MYO9B: variants seen among roughly 807,000 people sequenced by gnomAD.
MYO9B encodes the protein myosin IXB.
MYO9B carries 71 observed loss-of-function variants against 229.5 expected under a neutral mutation model. The observed-to-expected ratio is 0.31, with a 90% CI of 0.26 to 0.38. The LOEUF (loss-of-function observed/expected upper bound fraction) is 0.38. Ranked by LOEUF, MYO9B falls within the 10% of genes least tolerant of loss-of-function variation. The pLI, the probability that MYO9B is intolerant of heterozygous loss-of-function variation, is 1.00. For synonymous variants in MYO9B, 1,185 were observed against 1,235.8 expected, an observed-to-expected ratio of 0.96 and a Z score of 0.86; for missense variants, 2,255 against 2,920.5, an observed-to-expected ratio of 0.77 and a Z score of 5.25.
chr19:17,126,044 G>A (rs1013156979), intron 2 of MYO9B, among the ~76,000 whole-genome samples: 1 of 152,072 alleles, frequency 6.6e-6, no homozygotes, highest in Non-Finnish European at 1.5e-5. Context: ...CACCCCCTTC[G>A]CAGGGTCTTC....
intron 1 of MYO9B, among the ~76,000 whole-genome samples, chr19:17,092,605 A>C (rs1369239948): frequency 1.3e-5 from 2 of 151,962 alleles, no homozygotes; most frequent in East Asian, 3.9e-4. Flanking sequence ...GCACGCCTAT[A>C]TCCCAGCTAC....
chr19:17,140,048 AAAAG>A (rs1287928253), intron 2 of MYO9B, among the ~76,000 whole-genome samples: 2 of 152,142 alleles, frequency 1.3e-5, no homozygotes, highest in Non-Finnish European at 1.5e-5. Context: ...TCTCAAAAAA[AAAAG>A]AAAAAATGAT....
intron 2 of MYO9B, among the ~76,000 whole-genome samples, chr19:17,139,611 G>T (rs181786263): frequency 1.4e-4 from 22 of 152,030 alleles, no homozygotes; most frequent in Non-Finnish European, 2.6e-4. Context: ...GCTGACACGT[G>T]CCTGTAGTCT....
intron 2 of MYO9B, among the ~76,000 whole-genome samples, chr19:17,126,923 A>ACCCCCG (rs1568263327): frequency 3.6e-5 from 1 of 27,480 alleles, no homozygotes; most frequent in Admixed American, 3.4e-4. Flanking sequence ...CCCCACCCCC[A>ACCCCCG]CCCCCCACCC....
chr19:17,112,128 G>A (rs2057853019), intron 2 of MYO9B, among the ~76,000 whole-genome samples: 1 of 152,168 alleles, frequency 6.6e-6, no homozygotes, highest in Admixed American at 6.5e-5. Flanking sequence ...TCCCCCATCA[G>A]TGTCCCCCAC....
rs748645676 is a variant in MYO9B at position 17,101,567 on chromosome 19, G to C, written c.-58-93G>C. ...GTCGGGTGGGGAACTCCAGCATCGG[G>C]TCAGGTGCTATCTGCCCAGGAGTGG... On this transcript the variant is annotated intron_variant, in intron 1 of 39. Coordinates refer to ENST00000682292, the MANE Select transcript of MYO9B (RefSeq NM_004145.4). This position sits in a 1 kb window ranked among gnomAD's most constrained non-coding sequence, Gnocchi z 4.7. The C allele has an allele frequency of 7.9e-7, 1 of 1,261,380 alleles. No homozygotes were observed. Among genetic ancestry groups the C allele is most frequent in the Non-Finnish European group, 1.1e-6 (1 of 942,868 alleles). 78.1% of individuals were successfully genotyped at this position (1,261,380 alleles called of 1,614,324 possible). A position where few individuals can be genotyped will look rare whatever the true frequency, so the allele number is the denominator to read the frequency against.
intron 2 of MYO9B, among the ~76,000 whole-genome samples, chr19:17,134,910 T>C (rs2072250466): frequency 6.6e-6 from 1 of 152,022 alleles, no homozygotes; most frequent in African/African-American, 2.4e-5. Flanking sequence ...ATTACAGGCA[T>C]GCACCACCAC....
intron 10 of MYO9B, 23 bp from the exon 11 acceptor site, chr19:17,167,920 C>G (rs370981886): frequency 5.8e-5 from 90 of 1,552,388 alleles, no homozygotes; most frequent in Non-Finnish European, 7.2e-5. Flanking sequence ...AAGAAACTTA[C>G]CGACCCCGCG....
At chr19:17,166,098 A>G (rs1024340964) in intron 10 of MYO9B, among the ~76,000 whole-genome samples, 2 of 151,836 alleles carry the variant, frequency 1.3e-5, no homozygotes, top group Admixed American at 1.3e-4. Flanking sequence ...GCCGGAGTGC[A>G]ATGGTGCAAT....
At chr19:17,077,764 C>T (rs1033194782) in intron 1 of MYO9B, among the ~76,000 whole-genome samples, 3 of 152,246 alleles carry the variant, frequency 2.0e-5, no homozygotes, top group African/African-American at 7.2e-5. Flanking sequence ...CACCCCCACT[C>T]TCCATTCCTG....
chr19:17,085,333 T>C (rs762663498), intron 1 of MYO9B, among the ~76,000 whole-genome samples: 31 of 152,088 alleles, frequency 2.0e-4, no homozygotes, highest in Non-Finnish European at 4.0e-4. Context: ...GGGTCACAGA[T>C]GGGCAGCATT....
At chr19:17,187,840 C>T (rs1035855385) in intron 18 of MYO9B, 95 bp from the exon 19 acceptor site, 2 of 995,110 alleles carry the variant, frequency 2.0e-6, no homozygotes, top group Admixed American at 2.0e-5. Context: ...GGGGAAGTGC[C>T]CTCATCTCAC....
At chr19:17,208,535 C>T (rs1240790414) in intron 35 of MYO9B, among the ~76,000 whole-genome samples, 1 of 151,472 alleles carries the variant, frequency 6.6e-6, no homozygotes, top group Non-Finnish European at 1.5e-5. Flanking sequence ...GGGTTCACGC[C>T]ATTCTCCTGA....
At chr19:17,123,424 T>TTGTGTGTGTG (rs3222984) in intron 2 of MYO9B, among the ~76,000 whole-genome samples, 10,569 of 146,828 alleles carry the variant, frequency 0.072, 455 homozygotes, top group East Asian at 0.17. Flanking sequence ...CAGTAGAAAT[T>TTGTGTGTGTG]TGTGTGTGTG....
At chr19:17,204,309 T>C (rs1287081609) in intron 30 of MYO9B, among the ~76,000 whole-genome samples, 1 of 150,462 alleles carries the variant, frequency 6.6e-6, no homozygotes, top group African/African-American at 2.4e-5. Context: ...CTTTGCCCCG[T>C]GACATCTTCG....
In MYO9B at chr19:17,101,541, A is replaced by C. The variant is rs894585402; in HGVS notation, c.-58-119A>C. On this transcript the variant is annotated intron_variant, in intron 1 of 39. Coordinates refer to ENST00000682292, the MANE Select transcript of MYO9B (RefSeq NM_004145.4). This position sits in a 1 kb window ranked among gnomAD's most constrained non-coding sequence, Gnocchi z 4.7. Reference sequence around the variant, plus strand: ...TGCCTCTGGCTTTTTGGGCGAGCCTAGTCGGGTGGGGAACTCCAGCATCGG... The same window carrying C: ...TGCCTCTGGCTTTTTGGGCGAGCCTCGTCGGGTGGGGAACTCCAGCATCGG... The C allele has an allele frequency of 1.6e-5, 16 of 1,022,720 alleles. No individual in the cohort carries two copies. In the Admixed American group the frequency reaches 4.7e-4, roughly 30 times the overall value. The allele number at this position is 1,022,720 out of a possible 1,614,324, so 63.4% of individuals were successfully genotyped here.
chr19:17,163,776 A>T (rs1472540533), intron 10 of MYO9B, among the ~76,000 whole-genome samples: 3 of 152,158 alleles, frequency 2.0e-5, no homozygotes, highest in African/African-American at 7.2e-5. Flanking sequence ...TAAAGTCCTC[A>T]TGGTTCATCC....
chr19:17,179,740 A>C (rs1336986755), intron 14 of MYO9B, among the ~76,000 whole-genome samples: 1 of 151,280 alleles, frequency 6.6e-6, no homozygotes, highest in Admixed American at 6.6e-5. Flanking sequence ...CATGGAATTT[A>C]AAAAATAAAT....
At chr19:17,107,268 A>G (rs1342266272) in intron 2 of MYO9B, among the ~76,000 whole-genome samples, 1 of 152,118 alleles carries the variant, frequency 6.6e-6, no homozygotes, top group African/African-American at 2.4e-5. Context: ...TAGGTGAATG[A>G]ATGAGAGGGT....
Sources: gnomAD v4.1 joint callset for allele counts (sites outside exome capture counted in the v4.1 genomes callset) on GRCh38, gnomAD v4.1.1 for gene constraint, Gnocchi (gnomAD v3.1) non-coding constraint, MANE v1.5 for transcripts, NCBI Gene and HGNC (gene_info 2026-07-23, HGNC 2026-07-21) for gene names.